Variants in SGCZ observed in about 807,000 individuals in gnomAD.
SGCZ encodes the protein sarcoglycan zeta, also known as zeta-sarcoglycan.
In SGCZ, 40 loss-of-function variants were observed where a neutral mutation model predicts 41.3. The ratio of observed to expected loss-of-function variants is 0.97; its 90% CI spans 0.75 to 1.26. The LOEUF (loss-of-function observed/expected upper bound fraction) is 1.26, where lower values mean the gene tolerates loss of function less well. Ranked by LOEUF, SGCZ falls within the 50% of genes most tolerant of loss-of-function variation. SGCZ has a pLI of 0.00. For missense variants in SGCZ, 552 were observed against 369.8 expected (o/e 1.49, Z -4.04); for synonymous variants, 206 against 137.5 (o/e 1.50, Z -3.49).
chr8:14,280,665 T>C (rs12550264), intron 3 of SGCZ, among the ~76,000 whole-genome samples: 27,736 of 151,798 alleles, frequency 0.18, 2,717 homozygotes, highest in East Asian at 0.28. Flanking sequence ...ATCATTACTA[T>C]TACTATTGCT....
intron 4 of SGCZ, among the ~76,000 whole-genome samples, chr8:14,183,031 A>G (rs63423363): frequency 0.03 from 4,203 of 139,722 alleles, 217 homozygotes; most frequent in African/African-American, 0.1. Flanking sequence ...AAAAAAAAAA[A>G]TTACTAATGT....
chr8:15,048,755 A>G (rs1033307004), intron 1 of SGCZ, among the ~76,000 whole-genome samples: 4 of 152,124 alleles, frequency 2.6e-5, no homozygotes, highest in African/African-American at 9.7e-5. Flanking sequence ...CAAATAATCC[A>G]TATGCATTTT....
At chr8:14,800,984 A>G (rs1801303501) in intron 1 of SGCZ, among the ~76,000 whole-genome samples, 1 of 152,210 alleles carries the variant, frequency 6.6e-6, no homozygotes. Flanking sequence ...ATCAAGAACA[A>G]AGGAAACTAG....
At chr8:14,689,823 C>G (rs1360877186) in intron 1 of SGCZ, among the ~76,000 whole-genome samples, 2 of 152,152 alleles carry the variant, frequency 1.3e-5, no homozygotes, top group African/African-American at 4.8e-5. Flanking sequence ...GCTGTGGTAT[C>G]CTGGCTTTGT....
chr8:14,862,551 T>G (rs902964523), intron 1 of SGCZ, among the ~76,000 whole-genome samples: 4 of 130,556 alleles, frequency 3.1e-5, no homozygotes, highest in South Asian at 2.4e-4. Flanking sequence ...TATATATATA[T>G]ATATATATAT....
At chr8:14,517,963 T>C (rs1563381000) in intron 2 of SGCZ, among the ~76,000 whole-genome samples, 1 of 151,940 alleles carries the variant, frequency 6.6e-6, no homozygotes, top group South Asian at 2.1e-4. Flanking sequence ...CTATGATTTA[T>C]TTGTTGATTT....
intron 1 of SGCZ, among the ~76,000 whole-genome samples, chr8:15,065,415 A>ATTATTATTATT (rs1805095044): frequency 7.3e-6 from 1 of 137,478 alleles, no homozygotes; most frequent in African/African-American, 2.7e-5. Flanking sequence ...ATGGTATTGT[A>ATTATTATTATT]ATTATTATTA....
chr8:14,416,943 G>C (rs992961836), intron 2 of SGCZ, among the ~76,000 whole-genome samples: 3 of 151,820 alleles, frequency 2.0e-5, no homozygotes, highest in Non-Finnish European at 4.4e-5. Context: ...CAGTTTTCGT[G>C]TTACCAGAAA....
intron 1 of SGCZ, among the ~76,000 whole-genome samples, chr8:14,781,523 C>G (rs1291308816): frequency 6.6e-6 from 1 of 152,052 alleles, no homozygotes; most frequent in Admixed American, 6.6e-5. Context: ...GCCACCACGC[C>G]CAGACTAAAA....
chr8:15,031,486 C>G (rs570974042), intron 1 of SGCZ, among the ~76,000 whole-genome samples: 2 of 152,304 alleles, frequency 1.3e-5, no homozygotes, highest in East Asian at 3.9e-4. Context: ...TTATTAAGCA[C>G]TTACAACATG....
chr8:14,502,520 T>C (rs900071714), intron 2 of SGCZ, among the ~76,000 whole-genome samples: 1 of 152,016 alleles, frequency 6.6e-6, no homozygotes, highest in Non-Finnish European at 1.5e-5. Context: ...TAAAGTATAC[T>C]GCTAATAATA....
chr8:14,148,545 A>T (rs1432192411), intron 5 of SGCZ, among the ~76,000 whole-genome samples: 2 of 152,058 alleles, frequency 1.3e-5, no homozygotes, highest in Admixed American at 1.3e-4. Flanking sequence ...AATAAAAAAA[A>T]ATCTACCAGT....
intron 3 of SGCZ, among the ~76,000 whole-genome samples, chr8:14,313,447 G>C (rs979600365): frequency 1.3e-5 from 2 of 152,246 alleles, no homozygotes; most frequent in South Asian, 4.1e-4. Flanking sequence ...CTCCCAAATA[G>C]CTAGGATTAC....
At chr8:14,205,641 C>G (rs1563184714) in intron 4 of SGCZ, among the ~76,000 whole-genome samples, 1 of 151,962 alleles carries the variant, frequency 6.6e-6, no homozygotes, top group Non-Finnish European at 1.5e-5. Flanking sequence ...ATATGCAAAC[C>G]TTTGTTTGGG....
chr8:14,099,939 ACATTTCATCCAT>A (rs147644809), intron 7 of SGCZ, among the ~76,000 whole-genome samples: 60,673 of 151,644 alleles, frequency 0.4, 13,675 homozygotes, highest in Non-Finnish European at 0.52. Context: ...TCATTCTTCT[ACATTTCATCCAT>A]CATTTCATCC....
intron 2 of SGCZ, among the ~76,000 whole-genome samples, chr8:14,416,308 T>C (rs1799491403): frequency 6.6e-6 from 1 of 151,958 alleles, no homozygotes; most frequent in Non-Finnish European, 1.5e-5. Flanking sequence ...GCAGCTGTTG[T>C]CCTGTAGAGA....
At chr8:15,228,881 C>A (rs1801856152) in intron 1 of SGCZ, among the ~76,000 whole-genome samples, 1 of 152,158 alleles carries the variant, frequency 6.6e-6, no homozygotes, top group African/African-American at 2.4e-5. Context: ...TTATAATCTT[C>A]GTAGCTCTTG....
intron 1 of SGCZ, among the ~76,000 whole-genome samples, chr8:14,703,835 G>T (rs1809246037): frequency 6.6e-6 from 1 of 151,906 alleles, no homozygotes; most frequent in African/African-American, 2.4e-5. Flanking sequence ...AAGAGAAGTT[G>T]ACGACTCATG....
intron 1 of SGCZ, among the ~76,000 whole-genome samples, chr8:15,027,534 A>T (rs1195289760): frequency 6.6e-6 from 1 of 152,116 alleles, no homozygotes; most frequent in African/African-American, 2.4e-5. Context: ...GAATATTTAC[A>T]GATAAGTGGC....
Sources: allele counts gnomAD v4.1 joint callset (sites outside exome capture counted in the v4.1 genomes callset), GRCh38; gene constraint gnomAD v4.1.1; transcripts MANE v1.5; gene names NCBI Gene and HGNC (gene_info 2026-07-23, HGNC 2026-07-21).